The following CCDC178 variants were observed in gnomAD, a reference collection of about 807,000 sequenced individuals.
The protein encoded by CCDC178 is coiled-coil domain containing 178.
In CCDC178, 126 loss-of-function variants were observed where a neutral mutation model predicts 117.4. That is an observed-to-expected ratio of 1.07 (90% CI 0.93 to 1.24). The LOEUF is 1.24. Among genes scored for constraint, CCDC178 ranks in the 50% most tolerant of loss-of-function variants. The pLI is 0.00. For missense variants in CCDC178, 1,030 were observed against 986.9 expected (o/e 1.04, Z -0.59); for synonymous variants, 283 against 313.4 (o/e 0.90, Z 1.02).
At chr18:33,303,464 A>G (rs1390805712) in intron 11 of CCDC178, among the ~76,000 whole-genome samples, 2 of 152,298 alleles carry the variant, frequency 1.3e-5, no homozygotes, top group South Asian at 2.1e-4. Context: ...GTACATCATG[A>G]GTGAGCTCTA....
intron 20 of CCDC178, among the ~76,000 whole-genome samples, chr18:33,192,337 G>C (rs2058868859): frequency 6.6e-6 from 1 of 152,124 alleles, no homozygotes; most frequent in Non-Finnish European, 1.5e-5. Context: ...CTGAACAAAG[G>C]ACTTCAGTTT....
At position 33,293,214 on chromosome 18, in the gene CCDC178, TC is replaced by T. The variant is rs760298863; in HGVS notation, c.1120del (p.Glu374LysfsTer3). 6.7e-5 allele frequency: 107 copies of T among 1,596,902 alleles called. No individual in the cohort carries two copies. The Admixed American group carries it at 1.0e-3, about 15-fold the overall frequency. ...NIEEKEEEVT[E>X]AIRETKSSKN... ...TGATGACTTTGTTTCCCTTATTGCT[TC>T]AGTCACTTCCTCTTCCTTCTCCTCA... On this transcript the variant is annotated frameshift_variant, in exon 12 of 23. Coordinates refer to ENST00000383096, the MANE Select transcript of CCDC178 (RefSeq NM_001105528.4). LOFTEE classifies it high-confidence loss of function.
chr18:33,099,496 G>A lies in CCDC178; in HGVS notation c.2239-6586C>T, dbSNP rs192491207. ...ATATTTTAGAATAAACAAGACAAGC[G>A]GGCTCCAAGTCTGTTTGTGAGTAAC... On this transcript the variant is annotated intron_variant, in intron 20 of 22. Coordinates refer to ENST00000383096, the MANE Select transcript of CCDC178 (RefSeq NM_001105528.4). Among the ~76,000 whole-genome samples the A allele has an allele frequency of 5.7e-4, 87 of 152,008 alleles. 1 individual carries two copies. Among genetic ancestry groups the A allele is most frequent in the Non-Finnish European group, 1.0e-3 (70 of 67,942 alleles).
chr18:33,171,856 C>T (rs181110918), intron 20 of CCDC178, among the ~76,000 whole-genome samples: 6 of 152,300 alleles, frequency 3.9e-5, no homozygotes, highest in Admixed American at 2.0e-4. Flanking sequence ...TTCGGTTTTA[C>T]TTTTGGTATT....
chr18:33,366,720 G>C (rs972076127), intron 6 of CCDC178, among the ~76,000 whole-genome samples: 2 of 152,016 alleles, frequency 1.3e-5, no homozygotes, highest in Non-Finnish European at 2.9e-5. Context: ...GAAGGCTCCA[G>C]CTGATCATCA....
intron 6 of CCDC178, among the ~76,000 whole-genome samples, chr18:33,360,057 T>C (rs1398048183): frequency 6.7e-6 from 1 of 150,302 alleles, no homozygotes; most frequent in Admixed American, 6.7e-5. Context: ...ATGTTAGAAA[T>C]TTTTTTTTAA....
intron 5 of CCDC178, among the ~76,000 whole-genome samples, chr18:33,387,095 A>T (rs764509048): frequency 3.3e-5 from 5 of 152,170 alleles, no homozygotes; most frequent in Admixed American, 6.5e-5. Flanking sequence ...GAGCCAAATC[A>T]CAAATGAACT....
At chr18:33,431,517 T>C (rs897124071) in intron 2 of CCDC178, among the ~76,000 whole-genome samples, 1 of 152,194 alleles carries the variant, frequency 6.6e-6, no homozygotes, top group African/African-American at 2.4e-5. Flanking sequence ...TTTACACCAA[T>C]TCACATTAGG....
chr18:33,197,429 C>T (rs2058943681), intron 20 of CCDC178, among the ~76,000 whole-genome samples: 1 of 151,934 alleles, frequency 6.6e-6, no homozygotes, highest in African/African-American at 2.4e-5. Context: ...TTACTGAGGG[C>T]TTTCAGGATA....
At chr18:33,025,689 A>G (rs1446008417) in intron 21 of CCDC178, among the ~76,000 whole-genome samples, 1 of 152,162 alleles carries the variant, frequency 6.6e-6, no homozygotes, top group Non-Finnish European at 1.5e-5. Flanking sequence ...AAACCCCTAC[A>G]TATCTAACAA....
intron 3 of CCDC178, among the ~76,000 whole-genome samples, chr18:33,410,677 T>A (rs1274620624): frequency 6.6e-6 from 1 of 152,140 alleles, no homozygotes; most frequent in Non-Finnish European, 1.5e-5. Flanking sequence ...ATAACCCCAA[T>A]AATTTTCTCC....
chr18:33,267,061 AAAGAAT>A lies in CCDC178; in HGVS notation c.1273-15_1273-10del, dbSNP rs759858475. The A allele has an allele frequency of 2.5e-6, 4 of 1,572,798 alleles. No individual in the cohort carries two copies. Among genetic ancestry groups the A allele is most frequent in the African/African-American group, 1.4e-5 (1 of 72,494 alleles). On this transcript the variant is annotated splice_polypyrimidine_tract_variant and intron_variant, in intron 13 of 22. Transcript: ENST00000383096. ...ATATCCCATGTTTTTTTCTTTAAGA[AAAGAAT>A]AAAAGAATCATTCATACATGTCTAA... is the stretch of plus-strand genomic sequence containing the variant.
intron 5 of CCDC178, among the ~76,000 whole-genome samples, chr18:33,386,951 C>T (rs2144812520): frequency 6.6e-6 from 1 of 152,122 alleles, no homozygotes; most frequent in African/African-American, 2.4e-5. Flanking sequence ...TGACATGATC[C>T]TTTATCTAGA....
chr18:33,251,258 G>C (rs1193190494), intron 14 of CCDC178, among the ~76,000 whole-genome samples: 2 of 151,712 alleles, frequency 1.3e-5, no homozygotes, highest in Non-Finnish European at 2.9e-5. Context: ...ATGGGAAAAA[G>C]GATATACTCG....
intron 14 of CCDC178, among the ~76,000 whole-genome samples, chr18:33,266,259 A>T (rs2059813154): frequency 6.6e-6 from 1 of 151,962 alleles, no homozygotes; most frequent in Admixed American, 6.6e-5. Context: ...GATGTGAATA[A>T]TCCCTTTGTC....
At chr18:33,207,305 C>T (rs1405459310) in intron 20 of CCDC178, among the ~76,000 whole-genome samples, 1 of 151,726 alleles carries the variant, frequency 6.6e-6, no homozygotes, top group African/African-American at 2.4e-5. Context: ...AATAGATATT[C>T]TAAATTAAAT....
intron 20 of CCDC178, among the ~76,000 whole-genome samples, chr18:33,122,079 C>T (rs373290988): frequency 5.9e-5 from 9 of 152,084 alleles, no homozygotes; most frequent in East Asian, 1.9e-4. Context: ...ATGAACAAAT[C>T]GCCTAATGAA....
chr18:32,996,345 C>T (rs1048845369), intron 21 of CCDC178, among the ~76,000 whole-genome samples: 1 of 151,768 alleles, frequency 6.6e-6, no homozygotes, highest in Non-Finnish European at 1.5e-5. Flanking sequence ...TATACAAAGA[C>T]TTTATAATGT....
chr18:33,212,363 A>G (rs184495286), intron 19 of CCDC178, among the ~76,000 whole-genome samples: 1 of 152,130 alleles, frequency 6.6e-6, no homozygotes, highest in Admixed American at 6.6e-5. Context: ...TCCAACCAGC[A>G]TATGACCCAT....
Sources: gnomAD v4.1 joint callset for allele counts (sites outside exome capture counted in the v4.1 genomes callset) on GRCh38, gnomAD v4.1.1 for gene constraint, MANE v1.5 for transcripts, NCBI Gene and HGNC (gene_info 2026-07-23, HGNC 2026-07-21) for gene names.